Variants in MYO1A observed in about 807,000 individuals in gnomAD.
MYO1A encodes myosin IA, also known as unconventional myosin-Ia.
A neutral mutation model predicts 138.5 loss-of-function variants in MYO1A; 127 were observed. That is an observed-to-expected ratio of 0.92 (90% CI 0.79 to 1.06). The LOEUF is 1.06. MYO1A is among the 50% of genes least tolerant of loss of function. The pLI, the probability that MYO1A is intolerant of heterozygous loss-of-function variation, is 0.00. For missense variants in MYO1A, 1,211 were observed against 1,288.8 expected, an observed-to-expected ratio of 0.94 and a Z score of 0.92; for synonymous variants, 477 against 497.5, an observed-to-expected ratio of 0.96 and a Z score of 0.55.
At chr12:57,039,999 T>C (rs1285278637) in intron 14 of MYO1A, among the ~76,000 whole-genome samples, 1 of 152,190 alleles carries the variant, frequency 6.6e-6, no homozygotes, top group Non-Finnish European at 1.5e-5. Flanking sequence ...GTTCTCTACT[T>C]TGGGGACTTG....
chr12:57,038,547 A>G lies in MYO1A; in HGVS notation c.1625T>C (p.Leu542Pro). 6.2e-7 allele frequency: 1 copy of G among 1,614,122 alleles called. No individual in the cohort carries two copies. The highest frequency in any genetic ancestry group is 8.5e-7 in the Non-Finnish European group (1 of 1,180,028). Residue 542 changes from leucine to proline, a missense_variant, in exon 17 of 28, where the codon CTC (leucine) becomes CCC (proline). Leu to Pro is a moderately conservative substitution (Grantham distance 98). Coordinates refer to ENST00000300119, the MANE Select transcript of MYO1A (RefSeq NM_005379.4). ...LQAMWKAQHP[L>P]LRSLFPEGNP... ...GCCCTCAGGAAACAAGGACCGAAGG[A>G]GGGGGTGCTGGGCCTTCCACATGGC...
At chr12:57,037,183 C>A in intron 19 of MYO1A, 92 bp from the exon 20 acceptor site, 1 of 1,488,106 alleles carries the variant, frequency 6.7e-7, no homozygotes, top group Non-Finnish European at 9.3e-7. Context: ...GCTTCCCAGC[C>A]AGGCCTTATT....
chr12:57,029,175 G>A lies in MYO1A; in HGVS notation c.2962C>T (p.Leu988=). 2 of 1,614,128 alleles carry A rather than the reference G, an allele frequency of 1.2e-6. No individual in the cohort carries two copies. Among genetic ancestry groups the A allele is most frequent in the Non-Finnish European group, 1.7e-6 (2 of 1,180,030 alleles). ...ELLTKMYRAV[L]DATQRQLTVT... is the part of the protein sequence containing the mutation. The stretch of plus-strand genomic sequence containing the variant: ...GTAAGCTGCCTCTGCGTGGCATCCA[G>A]CACAGCCCGGTACATTTTGGTCAGC... The change falls in exon 27 of 28, where the codon CTG becomes TTG. Residue 988 remains leucine, a synonymous_variant. Transcript: ENST00000300119.
chr12:57,030,937 T>A, intron 23 of MYO1A, 103 bp downstream of exon 23: 1 of 1,446,794 alleles, frequency 6.9e-7, no homozygotes. Context: ...TTTACCACAA[T>A]TTTTTTAATG....
intron 12 of MYO1A, 81 bp from the exon 13 acceptor site, chr12:57,041,578 G>C: frequency 1.7e-6 from 2 of 1,200,230 alleles, no homozygotes; most frequent in South Asian, 1.2e-5. Flanking sequence ...GATGGGGTTG[G>C]AGTAGGGGGC....
intron 14 of MYO1A, among the ~76,000 whole-genome samples, chr12:57,039,765 G>C (rs2030773995): frequency 6.6e-6 from 1 of 152,134 alleles, no homozygotes; most frequent in African/African-American, 2.4e-5. Flanking sequence ...ACCACCTGGA[G>C]GGCTGTTAAA....
At position 57,042,012 on chromosome 12, in the gene MYO1A, C is replaced by T. The variant is rs1196479234; in HGVS notation, c.1099-515G>A. Reference sequence around the variant, plus strand: ...TAACAGCTTTACTGAATATAATTCACATACCATGTACAATTCAGTGGCTTT... The same window carrying T: ...TAACAGCTTTACTGAATATAATTCATATACCATGTACAATTCAGTGGCTTT... On this transcript the variant is annotated intron_variant, in intron 12 of 27. Coordinates refer to ENST00000300119, the MANE Select transcript of MYO1A (RefSeq NM_005379.4). Among the ~76,000 whole-genome samples, 7 of 152,218 alleles carry T rather than the reference C, an allele frequency of 4.6e-5. No homozygotes were observed. The East Asian group carries it at 1.2e-3, about 25-fold the overall frequency.
In MYO1A at chr12:57,028,775, A is replaced by T. The variant is rs145478643; in HGVS notation, c.3112T>A (p.Leu1038Met). The stretch of plus-strand genomic sequence containing the variant: ...CCTCCTCACTGCACAGTCACCTCCA[A>T]GCAATGACTCCCCTTTTTTTTGTAG... ...LRYKKKGSHC[L>M]EVTVQ The change falls in exon 28 of 28, where the codon TTG (leucine) becomes ATG (methionine). Residue 1038 changes from leucine (L) to methionine (M), a missense_variant. Physicochemically the swap from Leu to Met is conservative, Grantham distance 15. Coordinates refer to ENST00000300119, the MANE Select transcript of MYO1A (RefSeq NM_005379.4). The T allele has an allele frequency of 6.2e-7, 1 of 1,613,972 alleles. No homozygotes were observed. The highest frequency in any genetic ancestry group is 8.5e-7 in the Non-Finnish European group (1 of 1,179,994).
chr12:57,038,064 A>T lies in MYO1A; in HGVS notation c.1766T>A (p.Ile589Lys). The T allele has an allele frequency of 6.2e-7, 1 of 1,613,850 alleles. No homozygotes were observed. The highest frequency in any genetic ancestry group is 8.5e-7 in the Non-Finnish European group (1 of 1,180,042). Residue 589 changes from isoleucine (I) to lysine (K), a missense_variant, in exon 18 of 28, where the codon ATA (isoleucine) becomes AAA (lysine). Ile to Lys is a moderately radical substitution (Grantham distance 102). Transcript: ENST00000300119. ...TCGCTGCTGATGCTCATTGGGCTTTATGCACCTGGTGGGAGGTGGGGTAAG... is the reference window on the plus strand; with the variant it reads ...TCGCTGCTGATGCTCATTGGGCTTTTTGCACCTGGTGGGAGGTGGGGTAAG... ...YSKSPNYIRC[I>K]KPNEHQQRGQ...
intron 3 of MYO1A, 123 bp downstream of exon 3, chr12:57,047,866 G>A: frequency 6.4e-7 from 1 of 1,558,640 alleles, no homozygotes; most frequent in Non-Finnish European, 8.7e-7. Flanking sequence ...GGGGCCTCCA[G>A]AAGGCCAGGG....
intron 21 of MYO1A, 149 bp from the exon 22 acceptor site, chr12:57,036,530 G>T: frequency 1.0e-6 from 1 of 980,456 alleles, no homozygotes; most frequent in Non-Finnish European, 1.6e-6. Context: ...CAAGTTGGCA[G>T]TGAGGACACT....
chr12:57,036,624 C>G (rs2030559644), intron 21 of MYO1A, 148 bp downstream of exon 21: 2 of 1,067,784 alleles, frequency 1.9e-6, no homozygotes, highest in Non-Finnish European at 2.9e-6. Context: ...AGGCCTCTCA[C>G]TCCCAGACAC....
At chr12:57,034,350 A>C (rs1465002730) in intron 22 of MYO1A, among the ~76,000 whole-genome samples, 4 of 152,250 alleles carry the variant, frequency 2.6e-5, no homozygotes, top group Non-Finnish European at 5.9e-5. Flanking sequence ...ATGCATGTAA[A>C]GAGCTTAATG....
Position 57,039,284 on chromosome 12 carries a change from G to A in MYO1A, c.1270-10C>T, listed in dbSNP as rs727503322. 7.4e-6 allele frequency: 12 copies of A among 1,612,320 alleles called. No individual in the cohort carries two copies. Among genetic ancestry groups the A allele is most frequent in the Non-Finnish European group, 9.3e-6 (11 of 1,178,536 alleles). On this transcript the variant is annotated splice_polypyrimidine_tract_variant and intron_variant, in intron 14 of 27. Transcript: ENST00000300119. ...TTGTCCACGGTATGCCCTGGTCAGGGGAGACAACAAATTACAGGGAACACG... is the reference window on the plus strand; with the variant it reads ...TTGTCCACGGTATGCCCTGGTCAGGAGAGACAACAAATTACAGGGAACACG...
At position 57,046,847 on chromosome 12, in the gene MYO1A, T is replaced by G. The variant is rs116562254; in HGVS notation, c.541+16A>C. ...GCAGGTGGAAGACAGGTGAGTGGAA[T>G]TGGGGAGACACGTACAGTTTGTGAT... On this transcript the variant is annotated intron_variant, in intron 7 of 27. Transcript: ENST00000300119. 1.2e-6 allele frequency: 2 copies of G among 1,613,168 alleles called. No homozygotes were observed. Among genetic ancestry groups the G allele is most frequent in the African/African-American group, 2.7e-5 (2 of 74,844 alleles).
At chr12:57,030,171 G>T in intron 24 of MYO1A, 39 bp downstream of exon 24, 3 of 1,542,888 alleles carry the variant, frequency 1.9e-6, no homozygotes, top group Non-Finnish European at 2.7e-6. Flanking sequence ...GAACTGCTGC[G>T]TGATGGAACT....
rs745354791 is a variant in MYO1A, at chr12:57,031,069, C to T, written c.2455G>A (p.Glu819Lys). The T allele has an allele frequency of 1.2e-6, 2 of 1,613,992 alleles. No individual in the cohort carries two copies. The highest frequency in any genetic ancestry group is 1.7e-6 in the Non-Finnish European group (2 of 1,179,984). Residue 819 changes from glutamate (E) to lysine (K), a missense_variant, in exon 23 of 28, where the codon GAG (glutamate) becomes AAG (lysine). By Grantham distance (56) the Glu-to-Lys change is moderately conservative. Transcript: ENST00000300119. ...CACTGGTAGAAGAGCTGCTGCAGCT[C>T]CTGATTTGCTGTGCTGAGGCACTTG... Reference protein sequence around the residue: ...PYKCLSTANQELQQLFYQWKC... With the variant: ...PYKCLSTANQKLQQLFYQWKC...
chr12:57,029,836 C>A lies in MYO1A; in HGVS notation c.2628G>T (p.Leu876=), dbSNP rs549329883. 8.7e-6 allele frequency: 14 copies of A among 1,614,070 alleles called. 1 individual carries two copies. The South Asian group carries it at 1.1e-4, about 13-fold the overall frequency. The part of the protein sequence containing the change: ...PIPFCGDYIG[L]QGNPKLQKLK... Reference sequence around the variant, plus strand: ...GCTTCTGCAGCTTGGGGTTCCCTTGCAGCCCAATGTAGTCACCACAGAATG... The same window carrying A: ...GCTTCTGCAGCTTGGGGTTCCCTTGAAGCCCAATGTAGTCACCACAGAATG... Residue 876 remains leucine, a synonymous_variant, in exon 25 of 28, where the codon CTG becomes CTT. Coordinates refer to ENST00000300119, the MANE Select transcript of MYO1A (RefSeq NM_005379.4).
In MYO1A at chr12:57,028,882, C is replaced by A; in HGVS notation, c.3006-1G>T. The A allele has an allele frequency of 6.2e-7, 1 of 1,613,954 alleles. No individual in the cohort carries two copies. Among genetic ancestry groups the A allele is most frequent in the Non-Finnish European group, 8.5e-7 (1 of 1,179,950 alleles). On this transcript the variant is annotated splice_acceptor_variant, in intron 27 of 27. Coordinates refer to ENST00000300119, the MANE Select transcript of MYO1A (RefSeq NM_005379.4). LOFTEE classifies it high-confidence loss of function. ...GTTCTCCTTGAACCTCACTGAGAAC[C>A]TGGAGAGGGAACAGAAAACCAAGTC... is the stretch of plus-strand genomic sequence containing the variant.
Sources: gnomAD v4.1 joint callset for allele counts (sites outside exome capture counted in the v4.1 genomes callset) on GRCh38, gnomAD v4.1.1 for gene constraint, MANE v1.5 for transcripts, NCBI Gene and HGNC (gene_info 2026-07-23, HGNC 2026-07-21) for gene names.